The following ATP6V1E1 variants were observed in gnomAD, a reference collection of about 807,000 sequenced individuals.
ATP6V1E1 encodes the protein ATPase H+ transporting V1 subunit E1, also known as V-type proton ATPase subunit E 1.
In ATP6V1E1, 21 loss-of-function variants were observed where a neutral mutation model predicts 35.2. The observed-to-expected ratio is 0.60, with a 90% CI of 0.42 to 0.86. The LOEUF is 0.86. Ranked by LOEUF, ATP6V1E1 falls within the 40% of genes least tolerant of loss-of-function variation. The probability of loss-of-function intolerance (pLI) is 0.00; values close to 1 mark genes in which losing one functional copy is unlikely to be tolerated. For missense variants in ATP6V1E1, 183 were observed against 272.6 expected (o/e 0.67, Z 2.32); for synonymous variants, 83 against 87.8 (o/e 0.95, Z 0.30).
chr22:17,627,664 A>T (rs2057921783), intron 1 of ATP6V1E1, among the ~76,000 whole-genome samples: 1 of 150,884 alleles, frequency 6.6e-6, no homozygotes, highest in South Asian at 2.1e-4. Flanking sequence ...ACTAAAAAAA[A>T]TACAAAAATT....
intron 4 of ATP6V1E1, among the ~76,000 whole-genome samples, chr22:17,605,624 G>A (rs1387976487): frequency 6.6e-6 from 1 of 151,732 alleles, no homozygotes; most frequent in African/African-American, 2.4e-5. Context: ...TTTTGTTTTA[G>A]GCATTATACT....
intron 4 of ATP6V1E1, among the ~76,000 whole-genome samples, chr22:17,606,085 C>G (rs2057785800): frequency 6.6e-6 from 1 of 152,132 alleles, no homozygotes; most frequent in Non-Finnish European, 1.5e-5. Flanking sequence ...AAAGCCTGCA[C>G]TCTTAATCCT....
At chr22:17,604,790 T>C (rs1215255378) in intron 4 of ATP6V1E1, among the ~76,000 whole-genome samples, 2 of 152,138 alleles carry the variant, frequency 1.3e-5, no homozygotes, top group African/African-American at 2.4e-5. Context: ...GTGTTGGGAT[T>C]ACAAGCATGA....
chr22:17,600,069 T>A lies in ATP6V1E1; in HGVS notation c.393A>T (p.Arg131=). Residue 131 remains arginine, a synonymous_variant, in exon 6 of 9, where the codon CGA becomes CGT. Coordinates refer to ENST00000253413, the MANE Select transcript of ATP6V1E1 (RefSeq NM_001696.4). Reference sequence around the variant, plus strand: ...CTTGTTTCCTGCAACGAACAATCATTCGGGGCTCCAGCAACTGGTACAAAC... The same window carrying A: ...CTTGTTTCCTGCAACGAACAATCATACGGGGCTCCAGCAACTGGTACAAAC... ...LQGLYQLLEP[R]MIVRCRKQDF... 1 of 1,613,796 alleles carries A rather than the reference T, an allele frequency of 6.2e-7. No homozygotes were observed. The highest frequency in any genetic ancestry group is 8.5e-7 in the Non-Finnish European group (1 of 1,179,860).
chr22:17,612,087 C>A (rs1335047164), intron 4 of ATP6V1E1, among the ~76,000 whole-genome samples: 2 of 152,118 alleles, frequency 1.3e-5, no homozygotes, highest in Non-Finnish European at 2.9e-5. Context: ...GTTATAGGAT[C>A]TTATGTTTTT....
At chr22:17,628,559 G>C in intron 1 of ATP6V1E1, 44 bp downstream of exon 1, 2 of 1,613,542 alleles carry the variant, frequency 1.2e-6, no homozygotes, top group Non-Finnish European at 1.7e-6. Context: ...CCCACTCCCC[G>C]GGACTGCCGC....
chr22:17,605,376 C>A (rs2057781506), intron 4 of ATP6V1E1, among the ~76,000 whole-genome samples: 1 of 150,746 alleles, frequency 6.6e-6, no homozygotes, highest in East Asian at 2.0e-4. Context: ...TCTAAAAATA[C>A]AAAATTAGCC....
At chr22:17,626,294 CGAGACTTCGT>C (rs1568896665) in intron 1 of ATP6V1E1, among the ~76,000 whole-genome samples, 2 of 115,628 alleles carry the variant, frequency 1.7e-5, no homozygotes, top group African/African-American at 7.2e-5. Flanking sequence ...GGCAACAGAG[CGAGACTTCGT>C]CTCAAAAAAA....
At chr22:17,600,165 T>G (rs2057755479) in intron 5 of ATP6V1E1, 70 bp from the exon 6 acceptor site, 16 of 1,407,360 alleles carry the variant, frequency 1.1e-5, no homozygotes, top group Non-Finnish European at 1.5e-5. Context: ...TCGGGCACAG[T>G]GGCTCAGGTC....
At chr22:17,609,790 T>A (rs1250249451) in intron 4 of ATP6V1E1, among the ~76,000 whole-genome samples, 1 of 151,974 alleles carries the variant, frequency 6.6e-6, no homozygotes, top group African/African-American at 2.4e-5. Context: ...TTTAATATCC[T>A]CCACCTCAAA....
At chr22:17,599,423 A>C (rs1307928032) in intron 6 of ATP6V1E1, among the ~76,000 whole-genome samples, 1 of 151,354 alleles carries the variant, frequency 6.6e-6, no homozygotes, top group Non-Finnish European at 1.5e-5. Flanking sequence ...AAAGATACAA[A>C]AAATTAGCCA....
At chr22:17,610,632 A>G (rs2057810788) in intron 4 of ATP6V1E1, among the ~76,000 whole-genome samples, 1 of 152,266 alleles carries the variant, frequency 6.6e-6, no homozygotes, top group African/African-American at 2.4e-5. Flanking sequence ...AATGCTGCCA[A>G]GACATTAACA....
At chr22:17,598,068 C>A (rs921582581) in intron 7 of ATP6V1E1, 126 bp downstream of exon 7, 6 of 743,368 alleles carry the variant, frequency 8.1e-6, no homozygotes, top group Non-Finnish European at 1.4e-5. Flanking sequence ...GTAGAATACA[C>A]CACAGCTCTA....
At chr22:17,615,883 T>C (rs2057841623) in intron 2 of ATP6V1E1, among the ~76,000 whole-genome samples, 1 of 151,336 alleles carries the variant, frequency 6.6e-6, no homozygotes, top group Non-Finnish European at 1.5e-5. Context: ...ATACAAAAAA[T>C]TAGCTGGGCG....
chr22:17,616,834 G>A (rs2057848239), intron 2 of ATP6V1E1, among the ~76,000 whole-genome samples: 2 of 66,180 alleles, frequency 3.0e-5, no homozygotes, highest in Admixed American at 2.5e-4. Context: ...GGATCACGAG[G>A]TCAGGAGATC....
chr22:17,602,913 G>A (rs917563875), intron 4 of ATP6V1E1, among the ~76,000 whole-genome samples: 2 of 152,154 alleles, frequency 1.3e-5, no homozygotes, highest in African/African-American at 4.8e-5. Flanking sequence ...CTTGTTAAAT[G>A]GAGAAAAAGT....
intron 6 of ATP6V1E1, among the ~76,000 whole-genome samples, chr22:17,598,838 A>G (rs1023792161): frequency 2.0e-5 from 3 of 152,222 alleles, no homozygotes; most frequent in Non-Finnish European, 4.4e-5. Flanking sequence ...AGACAAACGG[A>G]TAGAAAGCAG....
chr22:17,620,150 G>GTTTT (rs35111647), intron 1 of ATP6V1E1, among the ~76,000 whole-genome samples: 5 of 136,022 alleles, frequency 3.7e-5, no homozygotes, highest in Non-Finnish European at 4.8e-5. Context: ...CCTTCCCTTT[G>GTTTT]TTTTTTTTTT....
chr22:17,598,656 G>A (rs76737780), intron 6 of ATP6V1E1, among the ~76,000 whole-genome samples: 2,816 of 152,228 alleles, frequency 0.018, 42 homozygotes, highest in Middle Eastern at 0.034. Context: ...TTGGCTGCTG[G>A]CATGAGCTTC....
Sources: gnomAD v4.1 joint callset for allele counts (sites outside exome capture counted in the v4.1 genomes callset) on GRCh38, gnomAD v4.1.1 for gene constraint, MANE v1.5 for transcripts, NCBI Gene and HGNC (gene_info 2026-07-23, HGNC 2026-07-21) for gene names.